Variants in TTC28 observed in about 807,000 individuals in gnomAD.
The protein encoded by TTC28 is tetratricopeptide repeat domain 28, also known as tetratricopeptide repeat protein 28.
A neutral mutation model predicts 198.0 loss-of-function variants in TTC28; 61 were observed. The ratio of observed to expected loss-of-function variants is 0.31; its 90% CI spans 0.25 to 0.38. The LOEUF (loss-of-function observed/expected upper bound fraction) is 0.38, where lower values mean the gene tolerates loss of function less well. Ranked by LOEUF, TTC28 falls within the 10% of genes least tolerant of loss-of-function variation. The pLI is 1.00. For missense variants in TTC28, 2,678 were observed against 3,164.0 expected, an observed-to-expected ratio of 0.85 and a Z score of 3.69; for synonymous variants, 1,171 against 1,297.8, an observed-to-expected ratio of 0.90 and a Z score of 2.10.
intron 2 of TTC28, among the ~76,000 whole-genome samples, chr22:28,508,431 C>T (rs1833002156): frequency 6.6e-6 from 1 of 152,066 alleles, no homozygotes; most frequent in Non-Finnish European, 1.5e-5. Flanking sequence ...TTACAGGCAC[C>T]TGCCAAGATG....
In TTC28 at chr22:28,005,958, TAA is replaced by T. The variant is rs1441109231; in HGVS notation, c.4219-4407_4219-4406del. Among the ~76,000 whole-genome samples the T allele has an allele frequency of 6.6e-6, 1 of 152,146 alleles. No homozygotes were observed. The highest frequency in any genetic ancestry group is 2.4e-5 in the African/African-American group (1 of 41,432). On this transcript the variant is annotated intron_variant, in intron 14 of 22. Transcript: ENST00000397906. This position sits in a 1 kb window ranked among gnomAD's most constrained non-coding sequence, Gnocchi z 4.9. The stretch of plus-strand genomic sequence containing the variant: ...CTTACAGTTATTTGCCTATCATGGG[TAA>T]TAGTTCTCAATACTAAACATCCGTG...
At chr22:28,228,511 C>T (rs1928524168) in intron 5 of TTC28, among the ~76,000 whole-genome samples, 1 of 152,032 alleles carries the variant, frequency 6.6e-6, no homozygotes, top group Non-Finnish European at 1.5e-5. Context: ...ACCAGCCTGG[C>T]CAACATGGCG....
chr22:28,646,001 G>A (rs961163282), intron 1 of TTC28, among the ~76,000 whole-genome samples: 5 of 151,914 alleles, frequency 3.3e-5, no homozygotes, highest in South Asian at 2.1e-4. Flanking sequence ...ATTCCCCCTC[G>A]GAACTGCAAC....
chr22:28,467,928 AT>A (rs1357492070), intron 2 of TTC28, among the ~76,000 whole-genome samples: 3 of 151,220 alleles, frequency 2.0e-5, no homozygotes, highest in South Asian at 4.2e-4. Flanking sequence ...CGCCCGGCTA[AT>A]TTTTTTCTTT....
At chr22:28,594,834 T>G (rs1055011294) in intron 2 of TTC28, among the ~76,000 whole-genome samples, 2 of 152,356 alleles carry the variant, frequency 1.3e-5, no homozygotes, top group African/African-American at 4.8e-5. Flanking sequence ...AGTCTCTGCA[T>G]GTTAAATTGC....
intron 2 of TTC28, among the ~76,000 whole-genome samples, chr22:28,535,880 G>A (rs1164746882): frequency 1.3e-5 from 2 of 152,004 alleles, no homozygotes; most frequent in Non-Finnish European, 2.9e-5. Flanking sequence ...GCCTGCAGAA[G>A]GGCAAGCTGA....
chr22:28,332,989 C>G (rs556815399), intron 2 of TTC28, among the ~76,000 whole-genome samples: 2 of 152,152 alleles, frequency 1.3e-5, no homozygotes, highest in Admixed American at 6.6e-5. Context: ...CAGCAGAGAA[C>G]AGCAATGTAA....
intron 1 of TTC28, among the ~76,000 whole-genome samples, chr22:28,646,679 G>A (rs577011471): frequency 2.6e-5 from 4 of 152,188 alleles, no homozygotes; most frequent in African/African-American, 9.6e-5. Flanking sequence ...AGCCTGGCCA[G>A]CATGGCAAAA....
intron 2 of TTC28, among the ~76,000 whole-genome samples, chr22:28,487,670 T>C (rs981864916): frequency 1.3e-5 from 2 of 152,102 alleles, no homozygotes; most frequent in Admixed American, 6.6e-5. Context: ...AATTTCATAT[T>C]CTTTTTTCAT....
intron 2 of TTC28, among the ~76,000 whole-genome samples, chr22:28,392,523 G>T (rs142900695): frequency 0.031 from 4,704 of 152,322 alleles, 102 homozygotes; most frequent in Non-Finnish European, 0.05. Flanking sequence ...CTCCAAGCCA[G>T]GTGCGGGATA....
intron 2 of TTC28, among the ~76,000 whole-genome samples, chr22:28,348,383 G>C (rs1322580997): frequency 6.6e-6 from 1 of 152,184 alleles, no homozygotes; most frequent in Non-Finnish European, 1.5e-5. Context: ...AGGGTACTAT[G>C]TGCAAGCCTA....
At chr22:28,200,249 C>T (rs1184372189) in intron 5 of TTC28, among the ~76,000 whole-genome samples, 1 of 151,878 alleles carries the variant, frequency 6.6e-6, no homozygotes, top group Non-Finnish European at 1.5e-5. Flanking sequence ...GCCACCATGC[C>T]TGGCAGTAAA....
chr22:28,103,298 AGAG>A (rs1351154469), intron 8 of TTC28, among the ~76,000 whole-genome samples: 1 of 152,208 alleles, frequency 6.6e-6, no homozygotes, highest in African/African-American at 2.4e-5. Flanking sequence ...ATTTGCAAGA[AGAG>A]GAAGGGCTGG....
rs532915249 is a variant in TTC28 at position 28,467,386 on chromosome 22, T to C, written c.382-160743A>G. Among the ~76,000 whole-genome samples the C allele has an allele frequency of 2.6e-5, 4 of 152,316 alleles. No individual in the cohort carries two copies. The East Asian group carries it at 7.7e-4, about 29-fold the overall frequency. ...TTGCTGTGAGCTGTGATTGCACCAC[T>C]GCACTCCAGCCTAGGTGACAAAATG... On this transcript the variant is annotated intron_variant, in intron 2 of 22. Transcript: ENST00000397906.
In TTC28 at chr22:28,112,063, C is replaced by A. The variant is rs1942495495; in HGVS notation, c.1442-3660G>T. Reference sequence around the variant, plus strand: ...CTCATTCAGCTGAGTGTCTTTGAGACACTCAATACCTCTGAGCCTTTGTTA... The same window carrying A: ...CTCATTCAGCTGAGTGTCTTTGAGAAACTCAATACCTCTGAGCCTTTGTTA... On this transcript the variant is annotated intron_variant, in intron 6 of 22. Coordinates refer to ENST00000397906, the MANE Select transcript of TTC28 (RefSeq NM_001145418.2). Among the ~76,000 whole-genome samples, 3 of 152,158 alleles carry A rather than the reference C, an allele frequency of 2.0e-5. No individual in the cohort carries two copies. The South Asian group carries it at 6.2e-4, about 32-fold the overall frequency.
chr22:28,427,778 AAAG>A (rs1453409685), intron 2 of TTC28, among the ~76,000 whole-genome samples: 4 of 152,214 alleles, frequency 2.6e-5, no homozygotes, highest in South Asian at 2.1e-4. Flanking sequence ...TCAAAAAAAA[AAAG>A]AAGTCGAATT....
intron 2 of TTC28, among the ~76,000 whole-genome samples, chr22:28,460,833 A>C (rs1227572790): frequency 6.6e-6 from 1 of 152,018 alleles, no homozygotes; most frequent in African/African-American, 2.4e-5. Flanking sequence ...ACAGGTGTGC[A>C]TCACCACACC....
At chr22:28,390,224 C>A (rs1187345750) in intron 2 of TTC28, among the ~76,000 whole-genome samples, 2 of 152,068 alleles carry the variant, frequency 1.3e-5, no homozygotes, top group African/African-American at 2.4e-5. Context: ...GTTATAATTT[C>A]TGTTCTTTTA....
intron 5 of TTC28, among the ~76,000 whole-genome samples, chr22:28,207,250 A>C (rs1369133374): frequency 6.6e-6 from 1 of 151,890 alleles, no homozygotes; most frequent in Non-Finnish European, 1.5e-5. Context: ...CACAAAAAAA[A>C]ACAGGCCTTC....
Sources: allele counts gnomAD v4.1 joint callset (sites outside exome capture counted in the v4.1 genomes callset), GRCh38; gene constraint gnomAD v4.1.1; non-coding constraint Gnocchi (gnomAD v3.1); transcripts MANE v1.5; gene names NCBI Gene and HGNC (gene_info 2026-07-23, HGNC 2026-07-21).